MYLK3: variants seen among roughly 807,000 people sequenced by gnomAD.
MYLK3 encodes MLC kinase.
MYLK3 carries 55 observed loss-of-function variants against 76.3 expected under a neutral mutation model. The observed-to-expected ratio is 0.72, with a 90% CI of 0.58 to 0.90. The LOEUF is 0.90. MYLK3 is among the 40% of genes least tolerant of loss of function. The probability of loss-of-function intolerance (pLI) is 0.00; values close to 1 mark genes in which losing one functional copy is unlikely to be tolerated. For missense variants in MYLK3, 973 were observed against 1,053.6 expected (o/e 0.92, Z 1.06); for synonymous variants, 416 against 425.4 (o/e 0.98, Z 0.27).
chr16:46,715,186 T>G (rs185159946), intron 9 of MYLK3, among the ~76,000 whole-genome samples: 1 of 152,338 alleles, frequency 6.6e-6, no homozygotes, highest in African/African-American at 2.4e-5. Flanking sequence ...ATTTGTAAAC[T>G]TACAGAATTT....
chr16:46,718,792 C>A (rs978954971), intron 9 of MYLK3, among the ~76,000 whole-genome samples: 1 of 151,048 alleles, frequency 6.6e-6, no homozygotes, highest in African/African-American at 2.4e-5. Context: ...ATGGTGAAAC[C>A]CTGTCTCTAC....
In MYLK3 at chr16:46,712,791, A is replaced by C. The variant is rs768702846; in HGVS notation, c.1986-15T>G. 32 of 1,575,946 alleles carry C rather than the reference A, an allele frequency of 2.0e-5. No individual in the cohort carries two copies. The South Asian group carries it at 3.7e-4, about 18-fold the overall frequency. ...GAGGCTTGTACCTGGGGAGAAGGGG[A>C]GGGTACAAAGAAGCATGGGGTGAGG... On this transcript the variant is annotated splice_polypyrimidine_tract_variant and intron_variant, in intron 9 of 12. Transcript: ENST00000394809.
chr16:46,746,745 G>A (rs758074573), intron 1 of MYLK3, among the ~76,000 whole-genome samples: 66 of 152,188 alleles, frequency 4.3e-4, no homozygotes, highest in Admixed American at 4.2e-3. Flanking sequence ...TTTTAAAGCC[G>A]GGCTTTGTTA....
intron 1 of MYLK3, among the ~76,000 whole-genome samples, chr16:46,759,268 T>C (rs1967245035): frequency 6.6e-6 from 1 of 152,224 alleles, no homozygotes; most frequent in African/African-American, 2.4e-5. Context: ...CAAAGTCAAA[T>C]GGAATCAGCC....
chr16:46,717,280 C>T (rs999303107), intron 9 of MYLK3, among the ~76,000 whole-genome samples: 1 of 152,156 alleles, frequency 6.6e-6, no homozygotes, highest in Non-Finnish European at 1.5e-5. Context: ...CCCAGCTGCC[C>T]GCTTTTGATC....
intron 2 of MYLK3, 35 bp downstream of exon 2, chr16:46,740,022 G>T: frequency 4.0e-6 from 6 of 1,490,352 alleles, no homozygotes; most frequent in Non-Finnish European, 5.6e-6. Flanking sequence ...TGTTGTGTCT[G>T]CAATGTTAGA....
chr16:46,720,990 G>C, intron 9 of MYLK3, 133 bp downstream of exon 9: 1 of 800,226 alleles, frequency 1.2e-6, no homozygotes, highest in Non-Finnish European at 2.1e-6. Flanking sequence ...AAGGCCACCA[G>C]CTTCTGCACA....
intron 1 of MYLK3, among the ~76,000 whole-genome samples, chr16:46,743,843 A>C (rs1596771232): frequency 6.6e-6 from 1 of 152,212 alleles, no homozygotes; most frequent in African/African-American, 2.4e-5. Context: ...CAAACCTGTG[A>C]GTGATGTTCA....
intron 2 of MYLK3, 64 bp from the exon 3 acceptor site, chr16:46,738,207 G>A: frequency 3.0e-6 from 4 of 1,354,868 alleles, no homozygotes; most frequent in Non-Finnish European, 2.9e-6. Flanking sequence ...CAAAGATACT[G>A]CAAGGAATCT....
At chr16:46,748,679 G>C (rs1366570992), upstream of MYLK3, among the ~76,000 whole-genome samples, 1 of 152,216 alleles carries the variant, frequency 6.6e-6, no homozygotes, top group Non-Finnish European at 1.5e-5. The surrounding 1 kb of genome is among the most constrained non-coding windows in gnomAD (Gnocchi z 4.3). Flanking sequence ...ACACATCAGA[G>C]TCACAATAAA....
chr16:46,751,709 C>T (rs868081469), upstream of MYLK3, among the ~76,000 whole-genome samples: 6 of 152,156 alleles, frequency 3.9e-5, no homozygotes, highest in South Asian at 2.1e-4. Flanking sequence ...CCTGACAATC[C>T]GGGAAGGGAG....
Position 46,737,836 on chromosome 16 carries a change from C to A in MYLK3, c.876G>T (p.Arg292Ser), listed in dbSNP as rs1278775467. The change falls in exon 3 of 13, where the codon AGG (arginine) becomes AGT (serine). Residue 292 changes from arginine to serine, a missense_variant. By Grantham distance (110) the Arg-to-Ser change is moderately radical. Around this residue, in one of 2 missense-constraint regions of MYLK3, gnomAD observed 641 missense variants for 637.0 expected, o/e 1.01. Transcript: ENST00000394809. ...PGAGQGASSS[R>S]PDPEPLEEGT... is the part of the protein sequence containing the mutation. ...CTTCCTCTAAGGGCTCAGGGTCAGG[C>A]CTGCTGGACGATGCTCCTTGTCCTG... 2 of 1,613,556 alleles carry A rather than the reference C, an allele frequency of 1.2e-6. No homozygotes were observed. Among genetic ancestry groups the A allele is most frequent in the African/African-American group, 2.7e-5 (2 of 74,926 alleles).
At chr16:46,753,391 G>T (rs1967153672) in intron 1 of MYLK3, among the ~76,000 whole-genome samples, 2 of 152,132 alleles carry the variant, frequency 1.3e-5, no homozygotes, top group South Asian at 4.1e-4. Flanking sequence ...TGGCTTTTGG[G>T]GTTCCTCAGG....
In MYLK3 at chr16:46,732,492, G is replaced by A; in HGVS notation, c.1178C>T (p.Thr393Ile). Residue 393 changes from threonine (T) to isoleucine (I), a missense_variant, in exon 4 of 13, where the codon ACC becomes ATC. Physicochemically the swap from Thr to Ile is moderately conservative, Grantham distance 89 (BLOSUM62 -1). This residue lies in a region of MYLK3 where 641 missense variants were observed against 637.0 expected (regional missense o/e 1.01). Transcript: ENST00000394809. The part of the protein sequence containing the change: ...QAPGTEPGEQ[T>I]PEGARELSPL... The stretch of plus-strand genomic sequence containing the variant: ...GGAGAGCTCTCTGGCTCCTTCAGGG[G>A]TCTGTTCTCCGGGCTCAGTCCCAGG... 1.2e-6 allele frequency: 2 copies of A among 1,608,530 alleles called. No individual in the cohort carries two copies. The highest frequency in any genetic ancestry group is 1.3e-5 in the African/African-American group (1 of 75,070).
At chr16:46,712,386 C>T (rs1173493895) in intron 10 of MYLK3, among the ~76,000 whole-genome samples, 1 of 151,608 alleles carries the variant, frequency 6.6e-6, no homozygotes, top group Admixed American at 6.6e-5. Context: ...ATAATATCGG[C>T]ACATCTCAAT....
chr16:46,711,795 G>A (rs1966686543), intron 10 of MYLK3: 1 of 276,456 alleles, frequency 3.6e-6, no homozygotes, highest in African/African-American at 2.3e-5. Context: ...AGGAATAACT[G>A]GTAAGAATTA....
chr16:46,712,180 CAGGG>C (rs2143012682), intron 10 of MYLK3, among the ~76,000 whole-genome samples: 1 of 151,846 alleles, frequency 6.6e-6, no homozygotes, highest in South Asian at 2.1e-4. Context: ...TTGGTAGAGA[CAGGG>C]TCTCCCTATG....
chr16:46,734,669 G>T (rs1456210470), intron 3 of MYLK3, among the ~76,000 whole-genome samples: 1 of 152,002 alleles, frequency 6.6e-6, no homozygotes, highest in Non-Finnish European at 1.5e-5. Context: ...CTGATATTAG[G>T]ACCCTCAAAT....
rs375224034 is a variant in MYLK3, at chr16:46,710,742, A to G, written c.2162T>C (p.Met721Thr). The part of the protein sequence containing the change: ...PFLGETDAET[M>T]NFIVNCSWDF... Reference sequence around the variant, plus strand: ...CCAGCTACAGTTTACAATGAAATTCATGGTCTCTGCATCTGTTTCCCCTAG... The same window carrying G: ...CCAGCTACAGTTTACAATGAAATTCGTGGTCTCTGCATCTGTTTCCCCTAG... The change falls in exon 11 of 13, where the codon ATG (methionine) becomes ACG (threonine). Residue 721 changes from methionine (M) to threonine (T), a missense_variant. By Grantham distance (81) the Met-to-Thr change is moderately conservative. Around this residue, in one of 2 missense-constraint regions of MYLK3, gnomAD observed 332 missense variants for 416.6 expected, o/e 0.80. Coordinates refer to ENST00000394809, the MANE Select transcript of MYLK3 (RefSeq NM_182493.3). The G allele has an allele frequency of 6.2e-7, 1 of 1,614,146 alleles. No individual in the cohort carries two copies. The highest frequency in any genetic ancestry group is 8.5e-7 in the Non-Finnish European group (1 of 1,180,020).
Sources: allele counts gnomAD v4.1 joint callset (sites outside exome capture counted in the v4.1 genomes callset), GRCh38; gene constraint gnomAD v4.1.1; regional missense constraint gnomAD v4.1.1; non-coding constraint Gnocchi (gnomAD v3.1); transcripts MANE v1.5; gene names NCBI Gene and HGNC (gene_info 2026-07-23, HGNC 2026-07-21).